The following DNAH12 variants were observed in gnomAD, a reference collection of about 807,000 sequenced individuals.
The protein encoded by DNAH12 is axonemal beta dynein heavy chain 12.
A neutral mutation model predicts 371.5 loss-of-function variants in DNAH12; 285 were observed. That is an observed-to-expected ratio of 0.77 (90% CI 0.70 to 0.85). DNAH12 has a LOEUF of 0.85. DNAH12 is among the 40% of genes least tolerant of loss of function. The probability of loss-of-function intolerance (pLI) is 0.00; values close to 1 mark genes in which losing one functional copy is unlikely to be tolerated. For synonymous variants in DNAH12, 1,200 were observed against 1,213.0 expected, an observed-to-expected ratio of 0.99 and a Z score of 0.22; for missense variants, 3,611 against 3,689.4, an observed-to-expected ratio of 0.98 and a Z score of 0.55.
chr3:57,471,094 T>C (rs1259861063), intron 15 of DNAH12, among the ~76,000 whole-genome samples: 1 of 152,036 alleles, frequency 6.6e-6, no homozygotes, highest in Non-Finnish European at 1.5e-5. Context: ...AATAGAGAAC[T>C]GAGTCACAAG....
intron 35 of DNAH12, among the ~76,000 whole-genome samples, 155 bp downstream of exon 35, chr3:57,424,867 A>G (rs550437528): frequency 1.3e-5 from 2 of 152,126 alleles, no homozygotes; most frequent in Non-Finnish European, 2.9e-5. Flanking sequence ...TTATCAGAAT[A>G]CCAGGTGTTA....
chr3:57,353,583 A>T (rs2062733522), intron 59 of DNAH12, among the ~76,000 whole-genome samples: 1 of 152,216 alleles, frequency 6.6e-6, no homozygotes, highest in Non-Finnish European at 1.5e-5. Context: ...TCAACAGAGT[A>T]AACAGACAGC....
chr3:57,514,770 T>TTATTAATAATTACCTAGCTGAAAATG (rs2068128866), intron 4 of DNAH12, among the ~76,000 whole-genome samples: 1 of 152,134 alleles, frequency 6.6e-6, no homozygotes, highest in East Asian at 1.9e-4. Flanking sequence ...GAATTTCAAG[T>TTATTAATAATTACCTAGCTGAAAATG]TATTAATAAT....
chr3:57,498,341 G>A (rs2067387771), intron 11 of DNAH12: 2 of 587,972 alleles, frequency 3.4e-6, no homozygotes, highest in Non-Finnish European at 6.0e-6. Flanking sequence ...TTGAGACAAA[G>A]AGTTTTGCTC....
At chr3:57,461,720 T>C (rs1230080706) in intron 18 of DNAH12, 31 bp from the exon 19 acceptor site, 6 of 1,522,638 alleles carry the variant, frequency 3.9e-6, no homozygotes, top group Non-Finnish European at 4.4e-6. Context: ...AAGAACGGGA[T>C]GGTGAAGAAA....
chr3:57,491,444 T>C (rs544737639), intron 11 of DNAH12, among the ~76,000 whole-genome samples: 81 of 152,330 alleles, frequency 5.3e-4, no homozygotes, highest in Non-Finnish European at 9.4e-4. Context: ...GGTCTATACA[T>C]ATGTACTATG....
intron 39 of DNAH12, 74 bp from the exon 40 acceptor site, chr3:57,408,609 C>A: frequency 1.5e-6 from 2 of 1,372,744 alleles, no homozygotes; most frequent in South Asian, 1.9e-5. Context: ...ATAGATCTCC[C>A]AAGAAATTTA....
chr3:57,425,384 A>C (rs2064733981), intron 34 of DNAH12, among the ~76,000 whole-genome samples: 2 of 151,180 alleles, frequency 1.3e-5, no homozygotes, highest in Admixed American at 6.6e-5. Context: ...AGTAGTTAGG[A>C]CTATAGGTGA....
chr3:57,299,181 A>G (rs1482107113), intron 70 of DNAH12, among the ~76,000 whole-genome samples: 1 of 152,174 alleles, frequency 6.6e-6, no homozygotes, highest in Non-Finnish European at 1.5e-5. Context: ...CCCACAAGGC[A>G]AACATTTAGA....
At chr3:57,307,213 G>A (rs2061490812) in intron 69 of DNAH12, among the ~76,000 whole-genome samples, 1 of 142,108 alleles carries the variant, frequency 7.0e-6, no homozygotes, top group South Asian at 2.1e-4. Context: ...TTCCTTCCTA[G>A]GCATGGTTAG....
intron 59 of DNAH12, among the ~76,000 whole-genome samples, chr3:57,352,435 T>C (rs1553660899): frequency 6.6e-6 from 1 of 152,140 alleles, no homozygotes; most frequent in Non-Finnish European, 1.5e-5. Flanking sequence ...ATAGGCAAGA[T>C]GCTAGCACTG....
rs765286025 is a variant in DNAH12, at chr3:57,323,177, C to T, written c.10213G>A (p.Ala3405Thr). The change falls in exon 64 of 74, where the codon GCA becomes ACA. Residue 3405 changes from alanine (A) to threonine (T), a missense_variant. By Grantham distance (58) the Ala-to-Thr change is moderately conservative. Coordinates refer to ENST00000495027, the MANE Select transcript of DNAH12 (RefSeq NM_001366028.2). ...ISLGQGQGPI[A>T]AKMIKAAIEE... The stretch of plus-strand genomic sequence containing the variant: ...ATTGCTGCTTTAATCATTTTTGCTG[C>T]AATCGGTCCTTGTCCCTGTCCCAGT... The T allele has an allele frequency of 7.1e-6, 11 of 1,552,372 alleles. No individual in the cohort carries two copies. In the South Asian group the frequency reaches 1.3e-4, roughly 18 times the overall value.
chr3:57,433,523 AAG>A lies in DNAH12; in HGVS notation c.4840-18_4840-17del, dbSNP rs2065017918. On this transcript the variant is annotated splice_polypyrimidine_tract_variant and intron_variant, in intron 31 of 73. Coordinates refer to ENST00000495027, the MANE Select transcript of DNAH12 (RefSeq NM_001366028.2). ...CATCAGTCCACTGAGGAGGAAAAAA[AAG>A]AATTAAAAAGCTCTCCTCATAAAAT... 1 of 1,542,850 alleles carries A rather than the reference AAG, an allele frequency of 6.5e-7. No individual in the cohort carries two copies. The highest frequency in any genetic ancestry group is 8.7e-7 in the Non-Finnish European group (1 of 1,144,938).
intron 38 of DNAH12, among the ~76,000 whole-genome samples, chr3:57,415,149 G>T (rs1329629532): frequency 6.7e-6 from 1 of 149,398 alleles, no homozygotes; most frequent in Non-Finnish European, 1.5e-5. Flanking sequence ...GTGTGAGTGT[G>T]TGTGTGTCTT....
chr3:57,454,502 G>C, intron 23 of DNAH12, among the ~76,000 whole-genome samples: 1 of 151,240 alleles, frequency 6.6e-6, no homozygotes, highest in East Asian at 1.9e-4. Context: ...AAAATGAATA[G>C]TTGTAATTTT....
chr3:57,322,062 C>T (rs570804871), intron 65 of DNAH12, among the ~76,000 whole-genome samples: 26 of 152,244 alleles, frequency 1.7e-4, no homozygotes, highest in African/African-American at 5.8e-4. Context: ...TTTCTACTCT[C>T]GGGTCCTAAT....
rs921752886 is a variant in DNAH12, at chr3:57,415,542, T to C, written c.5737A>G (p.Thr1913Ala). 8 of 1,544,276 alleles carry C rather than the reference T, an allele frequency of 5.2e-6. No homozygotes were observed. The highest frequency in any genetic ancestry group is 2.4e-5 in the East Asian group (1 of 40,860). ...ACATACACAGATTTTCCTGTACCCG[T>C]TGGACCCACAAAAAGGAGTGGCCTT... is the stretch of plus-strand genomic sequence containing the variant. ...YAKPLLFVGP[T>A]GTGKSVYVKD... The change falls in exon 38 of 74, where the codon ACG (threonine) becomes GCG (alanine). Residue 1913 changes from threonine to alanine, a missense_variant. Thr to Ala is a moderately conservative substitution (Grantham distance 58). Around this residue, in one of 3 missense-constraint regions of DNAH12, gnomAD observed 2,266 missense variants for 2,236.9 expected, o/e 1.01. Coordinates refer to ENST00000495027, the MANE Select transcript of DNAH12 (RefSeq NM_001366028.2).
intron 60 of DNAH12, among the ~76,000 whole-genome samples, chr3:57,350,009 T>C (rs1327694571): frequency 3.3e-5 from 5 of 152,170 alleles, no homozygotes; most frequent in African/African-American, 4.8e-5. Context: ...TTATTCTAAG[T>C]GAAGTAACTC....
chr3:57,323,066 T>C lies in DNAH12; in HGVS notation c.10324A>G (p.Thr3442Ala). Residue 3442 changes from threonine to alanine, a missense_variant, in exon 64 of 74, where the codon ACC becomes GCC. Coordinates refer to ENST00000495027, the MANE Select transcript of DNAH12 (RefSeq NM_001366028.2). ...PMLEKICEDFTSETCNSSFRL... is the reference protein window; with the variant it reads ...PMLEKICEDFASETCNSSFRL... ...AAGGATGAGTTACAGGTTTCAGAGG[T>C]AAAATCTTCACATATTTTTTCCAAC... is the stretch of plus-strand genomic sequence containing the variant. The C allele has an allele frequency of 1.3e-6, 2 of 1,552,398 alleles. No individual in the cohort carries two copies. Among genetic ancestry groups the C allele is most frequent in the East Asian group, 2.4e-5 (1 of 40,926 alleles).
Sources: allele counts gnomAD v4.1 joint callset (sites outside exome capture counted in the v4.1 genomes callset), GRCh38; gene constraint gnomAD v4.1.1; regional missense constraint gnomAD v4.1.1; transcripts MANE v1.5; gene names NCBI Gene and HGNC (gene_info 2026-07-23, HGNC 2026-07-21).